The following EIF5B variants were observed in gnomAD, a reference collection of about 807,000 sequenced individuals.
EIF5B encodes eIF-5B.
A neutral mutation model predicts 147.5 loss-of-function variants in EIF5B; 47 were observed. The ratio of observed to expected loss-of-function variants is 0.32; its 90% CI spans 0.25 to 0.41. The LOEUF (loss-of-function observed/expected upper bound fraction) is 0.41, where lower values mean the gene tolerates loss of function less well. Among genes scored for constraint, EIF5B ranks in the 10% least tolerant of loss-of-function variants. The probability of loss-of-function intolerance (pLI) is 1.00; values close to 1 mark genes in which losing one functional copy is unlikely to be tolerated. For missense variants in EIF5B, 1,064 were observed against 1,413.2 expected (o/e 0.75, Z 3.96); for synonymous variants, 455 against 456.2 (o/e 1.00, Z 0.03).
intron 6 of EIF5B, among the ~76,000 whole-genome samples, chr2:99,367,442 T>TC (rs2104192712): frequency 6.6e-6 from 1 of 151,170 alleles, no homozygotes; most frequent in South Asian, 2.1e-4. Context: ...TTTTTTTTTT[T>TC]TTCTCTCTTT....
At chr2:99,356,020 A>G (rs1019644673) in intron 1 of EIF5B, among the ~76,000 whole-genome samples, 2 of 152,220 alleles carry the variant, frequency 1.3e-5, no homozygotes, top group East Asian at 1.9e-4. Flanking sequence ...TGTTATTACT[A>G]TATTAGCATG....
At position 99,400,263 on chromosome 2, in the gene EIF5B, T is replaced by TAATC. The variant is rs988300357; in HGVS notation, c.*850_*853dup. 4 of 149,326 alleles carry TAATC rather than the reference T, an allele frequency of 2.7e-5. No homozygotes were observed. Among genetic ancestry groups the TAATC allele is most frequent in the African/African-American group, 1.0e-4 (4 of 38,706 alleles). The allele number at this position is 149,326 out of a possible 1,614,324, so 9.3% of individuals were successfully genotyped here. A position where few individuals can be genotyped will look rare whatever the true frequency, so the allele number is the denominator to read the frequency against. ...TGTTTTAGTAGAGATTTTTATACAT[T>TAATC]AATCTTGATCTGTTTTAATCTTGAT... On this transcript the variant is annotated 3_prime_UTR_variant, in exon 24 of 24. Coordinates refer to ENST00000289371, the MANE Select transcript of EIF5B (RefSeq NM_015904.4).
chr2:99,364,300 G>T lies in EIF5B; in HGVS notation c.1167G>T (p.Arg389Ser). The change falls in exon 6 of 24, where the codon AGG becomes AGT. Residue 389 changes from arginine (R) to serine (S), a missense_variant. Arg to Ser is a moderately radical substitution (Grantham distance 110). This residue lies in a region of EIF5B where 458 missense variants were observed against 451.3 expected (regional missense o/e 1.01). Coordinates refer to ENST00000289371, the MANE Select transcript of EIF5B (RefSeq NM_015904.4). ...GATTGGAACAAGAAAAAAGAGAAAG[G>T]AAAAAGCAAAAAGAAAAAGAAAGAA... is the stretch of plus-strand genomic sequence containing the variant. ...EERLEQEKRE[R>S]KKQKEKERKE... 1 of 1,601,646 alleles carries T rather than the reference G, an allele frequency of 6.2e-7. No homozygotes were observed. Among genetic ancestry groups the T allele is most frequent in the Non-Finnish European group, 8.5e-7 (1 of 1,175,734 alleles).
intron 1 of EIF5B, 29 bp downstream of exon 1, chr2:99,337,618 C>T: frequency 3.8e-6 from 6 of 1,596,814 alleles, no homozygotes; most frequent in Admixed American, 1.7e-5. Context: ...CGTACGGCGG[C>T]GGCCGCCGTG....
At chr2:99,388,339 A>G (rs770907473) in intron 14 of EIF5B, among the ~76,000 whole-genome samples, 1 of 152,230 alleles carries the variant, frequency 6.6e-6, no homozygotes, top group Non-Finnish European at 1.5e-5. Flanking sequence ...AAGGAATGAC[A>G]GTAGACATCA....
intron 9 of EIF5B, among the ~76,000 whole-genome samples, chr2:99,373,035 G>A (rs942496696): frequency 6.6e-6 from 1 of 151,924 alleles, no homozygotes; most frequent in Admixed American, 6.6e-5. Flanking sequence ...TTTTTATGCT[G>A]TGTCATTAGG....
intron 14 of EIF5B, among the ~76,000 whole-genome samples, chr2:99,387,210 A>G (rs931115211): frequency 6.6e-6 from 1 of 152,094 alleles, no homozygotes; most frequent in Non-Finnish European, 1.5e-5. Context: ...GCCTGGCCCC[A>G]ATTAATTTTT....
chr2:99,379,654 A>G (rs928687584), intron 12 of EIF5B, among the ~76,000 whole-genome samples: 1 of 152,116 alleles, frequency 6.6e-6, no homozygotes, highest in African/African-American at 2.4e-5. Context: ...TCCCTCTCCC[A>G]GAGGCAGCCA....
chr2:99,381,012 G>A (rs936156110), intron 12 of EIF5B, among the ~76,000 whole-genome samples: 2 of 152,054 alleles, frequency 1.3e-5, no homozygotes, highest in Admixed American at 6.6e-5. Flanking sequence ...GCTGAATTTC[G>A]TCTTTTTATA....
intron 1 of EIF5B, among the ~76,000 whole-genome samples, chr2:99,350,805 T>A (rs1454990776): frequency 6.6e-6 from 1 of 152,232 alleles, no homozygotes; most frequent in African/African-American, 2.4e-5. Flanking sequence ...ATGAAGTGTC[T>A]CTCCTGTTTT....
rs1675054774 is a variant in EIF5B, at chr2:99,396,639, C to T, written c.3255-121C>T. On this transcript the variant is annotated intron_variant, in intron 21 of 23. Transcript: ENST00000289371. ...CTGCAGCACCCTGCCTGCCCCTCTC[C>T]TGTGGCCGCTGGGGAAAGCTGCTTT... The T allele has an allele frequency of 3.1e-6, 4 of 1,283,826 alleles. No homozygotes were observed. In the African/African-American group the frequency reaches 6.0e-5, roughly 19 times the overall value. 79.5% of individuals were successfully genotyped at this position (1,283,826 alleles called of 1,614,324 possible).
intron 1 of EIF5B, among the ~76,000 whole-genome samples, chr2:99,352,314 G>A (rs929263093): frequency 1.3e-5 from 2 of 151,898 alleles, no homozygotes; most frequent in Non-Finnish European, 2.9e-5. Flanking sequence ...TCCTGCCTCA[G>A]CCTCCTCAGT....
chr2:99,337,692 G>A (rs2094246296), intron 1 of EIF5B, 103 bp downstream of exon 1: 2 of 1,399,614 alleles, frequency 1.4e-6, no homozygotes, highest in African/African-American at 1.5e-5. Flanking sequence ...CTCGCGATGA[G>A]CTTCGCGGGG....
chr2:99,356,714 C>A (rs2105342240), intron 1 of EIF5B, among the ~76,000 whole-genome samples: 1 of 152,112 alleles, frequency 6.6e-6, no homozygotes, highest in Admixed American at 6.5e-5. Context: ...ACACAGTGCT[C>A]CAGGCTTGTT....
rs770771047 is a variant in EIF5B at position 99,398,769 on chromosome 2, A to G, written c.3415A>G (p.Thr1139Ala). Reference protein sequence around the residue: ...SKNFVDIGIVTSIEINHKQVD... With the variant: ...SKNFVDIGIVASIEINHKQVD... ...ATAGTTTGTTGACATCGGAATAGTA[A>G]CAAGTATTGAAATAAACCATAAACA... Residue 1139 changes from threonine (T) to alanine (A), a missense_variant, in exon 23 of 24, where the codon ACA (threonine) becomes GCA (alanine). Transcript: ENST00000289371. 3 of 1,612,712 alleles carry G rather than the reference A, an allele frequency of 1.9e-6. No homozygotes were observed. Among genetic ancestry groups the G allele is most frequent in the Non-Finnish European group, 2.5e-6 (3 of 1,179,654 alleles).
intron 3 of EIF5B, 21 bp from the exon 4 acceptor site, chr2:99,361,127 C>G (rs973265763): frequency 6.8e-7 from 1 of 1,466,290 alleles, no homozygotes; most frequent in Non-Finnish European, 9.0e-7. Context: ...TTAATTTTTT[C>G]TAACAATGGA....
intron 6 of EIF5B, among the ~76,000 whole-genome samples, chr2:99,366,435 C>CT (rs1674329862): frequency 6.6e-6 from 1 of 152,182 alleles, no homozygotes; most frequent in Admixed American, 6.5e-5. Flanking sequence ...GCTTTATCCT[C>CT]TTTCTTTGGT....
chr2:99,365,403 T>C (rs1016736738), intron 6 of EIF5B, among the ~76,000 whole-genome samples: 1 of 152,204 alleles, frequency 6.6e-6, no homozygotes, highest in Admixed American at 6.5e-5. Context: ...CTAGGAACAT[T>C]AGATGTGAAG....
In EIF5B at chr2:99,368,530, G is replaced by A. The variant is rs1294940153; in HGVS notation, c.1326G>A (p.Lys442=). 6.2e-7 allele frequency: 1 copy of A among 1,613,664 alleles called. No individual in the cohort carries two copies. Among genetic ancestry groups the A allele is most frequent in the Non-Finnish European group, 8.5e-7 (1 of 1,179,852 alleles). The part of the protein sequence containing the change: ...EVPSKDSLPK[K]RPIYEDKKRK... Reference sequence around the variant, plus strand: ...CATCAAAAGACTCTTTGCCAAAGAAGAGGCCAATTTATGAAGATAAAAAGA... The same window carrying A: ...CATCAAAAGACTCTTTGCCAAAGAAAAGGCCAATTTATGAAGATAAAAAGA... The change falls in exon 7 of 24, where the codon AAG becomes AAA. Residue 442 remains lysine, a synonymous_variant. Coordinates refer to ENST00000289371, the MANE Select transcript of EIF5B (RefSeq NM_015904.4).
Sources: gnomAD v4.1 joint callset for allele counts (sites outside exome capture counted in the v4.1 genomes callset) on GRCh38, gnomAD v4.1.1 for gene constraint, gnomAD v4.1.1 regional missense constraint, MANE v1.5 for transcripts, NCBI Gene and HGNC (gene_info 2026-07-23, HGNC 2026-07-21) for gene names.